Variants in NCKAP5 observed in about 807,000 individuals in gnomAD.
NCKAP5 encodes the protein nck-associated protein 5.
NCKAP5 carries 92 observed loss-of-function variants against 167.0 expected under a neutral mutation model. The ratio of observed to expected loss-of-function variants is 0.55; its 90% confidence interval spans 0.47 to 0.66. The LOEUF (loss-of-function observed/expected upper bound fraction) is 0.66. NCKAP5 is among the 30% of genes least tolerant of loss of function. NCKAP5 has a pLI of 0.00. For synonymous variants in NCKAP5, 891 were observed against 877.4 expected (o/e 1.02, Z -0.27); for missense variants, 2,378 against 2,315.0 (o/e 1.03, Z -0.56).
chr2:133,519,116 A>C (rs938656982), intron 2 of NCKAP5, among the ~76,000 whole-genome samples: 2 of 152,190 alleles, frequency 1.3e-5, no homozygotes, highest in Non-Finnish European at 2.9e-5. Context: ...GGTTTTCCTC[A>C]TCAAGAGGGT....
intron 6 of NCKAP5, among the ~76,000 whole-genome samples, chr2:133,062,673 A>G (rs2080047456): frequency 6.6e-6 from 1 of 152,212 alleles, no homozygotes; most frequent in Non-Finnish European, 1.5e-5. Flanking sequence ...GTTTAATAGC[A>G]GGGTTATAGA....
At chr2:132,873,493 G>T (rs1253404924) in intron 9 of NCKAP5, among the ~76,000 whole-genome samples, 1 of 152,190 alleles carries the variant, frequency 6.6e-6, no homozygotes, top group Non-Finnish European at 1.5e-5. Flanking sequence ...GTTTGTGTGT[G>T]TGTCCACATA....
At chr2:133,484,966 A>G (rs1340796541) in intron 3 of NCKAP5, among the ~76,000 whole-genome samples, 1 of 152,220 alleles carries the variant, frequency 6.6e-6, no homozygotes, top group Non-Finnish European at 1.5e-5. Context: ...AAATCAGGCT[A>G]ATCATTAATA....
At position 132,864,352 on chromosome 2, in the gene NCKAP5, GAA is replaced by G. The variant is rs56286501; in HGVS notation, c.688-3743_688-3742del. Among the ~76,000 whole-genome samples the G allele has an allele frequency of 3.1e-3, 464 of 150,050 alleles. 2 individuals carry two copies. Among genetic ancestry groups the G allele is most frequent in the African/African-American group, 9.5e-3 (390 of 40,884 alleles). ...AAGATTTGACTACATTTAATATCATGAAAAAAAAAAAGGTACAGTGGTGTTTG... is the reference window on the plus strand; with the variant it reads ...AAGATTTGACTACATTTAATATCATGAAAAAAAAAGGTACAGTGGTGTTTG... On this transcript the variant is annotated intron_variant, in intron 10 of 19. Transcript: ENST00000409261.
intron 5 of NCKAP5, among the ~76,000 whole-genome samples, chr2:133,179,828 AAC>A (rs78357023): frequency 0.094 from 14,301 of 152,124 alleles, 772 homozygotes; most frequent in South Asian, 0.11. Flanking sequence ...AGGAATAATG[AAC>A]AGTGTCTCAG....
intron 6 of NCKAP5, among the ~76,000 whole-genome samples, chr2:133,015,354 G>T (rs1046664225): frequency 1.4e-5 from 1 of 71,896 alleles, no homozygotes; most frequent in Non-Finnish European, 3.2e-5. Flanking sequence ...TAAAAGAACC[G>T]AACTCTTTTT....
chr2:133,344,519 C>G (rs1683829615), intron 3 of NCKAP5, among the ~76,000 whole-genome samples: 1 of 151,774 alleles, frequency 6.6e-6, no homozygotes, highest in South Asian at 2.1e-4. Context: ...TGCACTGCAG[C>G]AAAGGTACTC....
At chr2:133,257,269 C>T (rs1470743270) in intron 4 of NCKAP5, among the ~76,000 whole-genome samples, 3 of 152,066 alleles carry the variant, frequency 2.0e-5, no homozygotes, top group African/African-American at 4.8e-5. Context: ...CAAAATGGAT[C>T]CAGATACTTT....
chr2:132,798,596 A>C (rs1684786841), intron 11 of NCKAP5, among the ~76,000 whole-genome samples: 1 of 152,318 alleles, frequency 6.6e-6, no homozygotes, highest in Admixed American at 6.5e-5. Context: ...CAGATATATG[A>C]TGTCACACTT....
chr2:132,959,418 GGT>G (rs1024355818), intron 8 of NCKAP5, among the ~76,000 whole-genome samples: 12 of 152,132 alleles, frequency 7.9e-5, no homozygotes, highest in African/African-American at 2.9e-4. Context: ...ACTCTCAGGT[GGT>G]GGCGGGCCTG....
At chr2:132,806,124 G>A (rs1426691118) in intron 11 of NCKAP5, among the ~76,000 whole-genome samples, 1 of 152,126 alleles carries the variant, frequency 6.6e-6, no homozygotes, top group Non-Finnish European at 1.5e-5. Flanking sequence ...TTTTATGGCT[G>A]TGTAGTATTC....
At chr2:133,576,781 T>C in the NCKAP5 span, among the ~76,000 whole-genome samples, 1 of 152,210 alleles carries the variant, frequency 6.6e-6, no homozygotes, top group East Asian at 1.9e-4. Context: ...ATCTCTTGGA[T>C]ACAGAGAATT....
At chr2:133,543,107 A>C (rs1686363331) in intron 2 of NCKAP5, among the ~76,000 whole-genome samples, 1 of 152,150 alleles carries the variant, frequency 6.6e-6, no homozygotes, top group East Asian at 1.9e-4. Flanking sequence ...AAAAGTGTGG[A>C]TCACTCATAA....
At chr2:132,707,202 G>T (rs1014982920) in intron 19 of NCKAP5, among the ~76,000 whole-genome samples, 2 of 152,214 alleles carry the variant, frequency 1.3e-5, no homozygotes, top group African/African-American at 4.8e-5. Context: ...CCACACTCTT[G>T]GGAGGGGGAA....
At chr2:132,986,960 C>T (rs2077307136) in intron 7 of NCKAP5, among the ~76,000 whole-genome samples, 1 of 152,138 alleles carries the variant, frequency 6.6e-6, no homozygotes, top group African/African-American at 2.4e-5. Flanking sequence ...GAACCCAGGA[C>T]CCATCCTATG....
chr2:133,024,509 A>T (rs190394709), intron 6 of NCKAP5, among the ~76,000 whole-genome samples: 3 of 152,364 alleles, frequency 2.0e-5, no homozygotes, highest in African/African-American at 7.2e-5. Flanking sequence ...TTCATTAAAG[A>T]TAAAACATTT....
chr2:132,908,061 T>A (rs985907561), intron 8 of NCKAP5, among the ~76,000 whole-genome samples: 1 of 152,196 alleles, frequency 6.6e-6, no homozygotes, highest in Admixed American at 6.5e-5. Context: ...ACTCCTCCTA[T>A]ACCTAGACAC....
intron 4 of NCKAP5, among the ~76,000 whole-genome samples, chr2:133,291,366 C>T (rs1679587187): frequency 1.3e-5 from 2 of 152,240 alleles, no homozygotes; most frequent in Non-Finnish European, 2.9e-5. Context: ...GTCACTGTTA[C>T]ATGTTTGGGG....
chr2:132,687,649 A>C (rs1175300494), intron 19 of NCKAP5, among the ~76,000 whole-genome samples: 1 of 151,692 alleles, frequency 6.6e-6, no homozygotes, highest in African/African-American at 2.4e-5. Flanking sequence ...AGCTGCTCCC[A>C]CTGGAAAATG....
Sources: allele counts gnomAD v4.1 joint callset (sites outside exome capture counted in the v4.1 genomes callset), GRCh38; gene constraint gnomAD v4.1.1; transcripts MANE v1.5; gene names NCBI Gene and HGNC (gene_info 2026-07-23, HGNC 2026-07-21).